Variants in RAPGEF5 observed in about 807,000 individuals in gnomAD.
The protein encoded by RAPGEF5 is M-Ras-regulated GEF.
RAPGEF5 carries 65 observed loss-of-function variants against 125.2 expected under a neutral mutation model. The ratio of observed to expected loss-of-function variants is 0.52; its 90% confidence interval spans 0.43 to 0.64. The LOEUF (loss-of-function observed/expected upper bound fraction) is 0.64. Among genes scored for constraint, RAPGEF5 ranks in the 30% least tolerant of loss-of-function variants. RAPGEF5 has a pLI of 0.00. For missense variants in RAPGEF5, 958 were observed against 1,048.1 expected (o/e 0.91, Z 1.19); for synonymous variants, 391 against 385.9 (o/e 1.01, Z -0.16).
intron 5 of RAPGEF5, among the ~76,000 whole-genome samples, chr7:22,301,134 T>C: frequency 6.6e-6 from 1 of 152,244 alleles, no homozygotes; most frequent in South Asian, 2.1e-4. Context: ...GTTTGTATTT[T>C]ATCTAGAGGT....
At chr7:22,269,237 A>C (rs1210858690) in intron 6 of RAPGEF5, among the ~76,000 whole-genome samples, 3 of 151,768 alleles carry the variant, frequency 2.0e-5, no homozygotes, top group Admixed American at 2.0e-4. Context: ...TACAAGACGC[A>C]AAGGGGAAAG....
At chr7:22,262,993 A>G (rs1466690753) in intron 7 of RAPGEF5, among the ~76,000 whole-genome samples, 1 of 152,220 alleles carries the variant, frequency 6.6e-6, no homozygotes, top group African/African-American at 2.4e-5. Flanking sequence ...AAAACAAGGA[A>G]AAAGCTATTG....
At chr7:22,191,378 G>A (rs1197280107) in intron 11 of RAPGEF5, 1 of 345,348 alleles carries the variant, frequency 2.9e-6, no homozygotes, top group African/African-American at 2.1e-5. Flanking sequence ...CTCCAAAGTT[G>A]ACTTTTCCAT....
chr7:22,305,708 C>T (rs556308036), intron 5 of RAPGEF5, among the ~76,000 whole-genome samples: 1 of 152,278 alleles, frequency 6.6e-6, no homozygotes, highest in Non-Finnish European at 1.5e-5. Context: ...CCACTAGTCC[C>T]CAATTACCCT....
In RAPGEF5 at chr7:22,298,188, T is replaced by G. The variant is rs898748138; in HGVS notation, c.681-6947A>C. Among the ~76,000 whole-genome samples the G allele has an allele frequency of 6.6e-5, 10 of 151,482 alleles. 1 individual carries two copies. Among genetic ancestry groups the G allele is most frequent in the South Asian group, 4.2e-4 (2 of 4,810 alleles). ...ATATTGTTCTGTTTTTTGTTTTTTT[T>G]TTTTTTGAGACGGAGTTTCACTCTT... is the stretch of plus-strand genomic sequence containing the variant. On this transcript the variant is annotated intron_variant, in intron 5 of 25. Transcript: ENST00000665637.
intron 24 of RAPGEF5, among the ~76,000 whole-genome samples, chr7:22,126,065 G>A (rs928216329): frequency 9.2e-5 from 14 of 152,106 alleles, no homozygotes; most frequent in African/African-American, 3.1e-4. Context: ...CAGGAGAATC[G>A]CTTGAACCTG....
chr7:22,196,482 G>C (rs1447610977), intron 9 of RAPGEF5, among the ~76,000 whole-genome samples: 1 of 152,180 alleles, frequency 6.6e-6, no homozygotes, highest in Non-Finnish European at 1.5e-5. Context: ...AAATAGTGAG[G>C]GCTTGCTCCC....
At chr7:22,345,888 C>A (rs1784215324) in intron 1 of RAPGEF5, among the ~76,000 whole-genome samples, 1 of 152,114 alleles carries the variant, frequency 6.6e-6, no homozygotes, top group Non-Finnish European at 1.5e-5. Context: ...ACCATTTAAT[C>A]TTCTAGAAAC....
chr7:22,251,782 A>G, intron 7 of RAPGEF5, among the ~76,000 whole-genome samples: 1 of 149,212 alleles, frequency 6.7e-6, no homozygotes, highest in Non-Finnish European at 1.5e-5. Context: ...TGACAAAAAA[A>G]AAAAAAAAAA....
intron 1 of RAPGEF5, among the ~76,000 whole-genome samples, chr7:22,340,463 A>G (rs1307193443): frequency 1.3e-5 from 2 of 152,222 alleles, no homozygotes; most frequent in Non-Finnish European, 1.5e-5. Context: ...TAAGCACAGA[A>G]AGTGGACCTG....
intron 8 of RAPGEF5, 119 bp from the exon 9 acceptor site, chr7:22,220,110 T>A: frequency 7.7e-7 from 1 of 1,302,680 alleles, no homozygotes; most frequent in Non-Finnish European, 1.1e-6. Flanking sequence ...TAAATCATGG[T>A]CTTGGTAAAA....
Position 22,162,506 on chromosome 7 carries a change from T to A in RAPGEF5, c.1319A>T (p.Asn440Ile), listed in dbSNP as rs200871852. 560 of 1,609,786 alleles carry A rather than the reference T, an allele frequency of 3.5e-4. No individual in the cohort carries two copies. The highest frequency in any genetic ancestry group is 4.6e-4 in the Non-Finnish European group (544 of 1,176,366). Residue 440 changes from asparagine (N) to isoleucine (I), a missense_variant, in exon 13 of 26, where the codon AAC becomes ATC. By Grantham distance (149) the Asn-to-Ile change is moderately radical (BLOSUM62 -3). Transcript: ENST00000665637. ...SAKKYQGKEE[N>I]SDVPRRKRKV... ...ACGTTTCCTACGCGGAACGTCTGAG[T>A]TTTCCTCTTTGCCTTGATACTTCTT...
At chr7:22,304,722 G>A (rs1271822453) in intron 5 of RAPGEF5, among the ~76,000 whole-genome samples, 1 of 152,194 alleles carries the variant, frequency 6.6e-6, no homozygotes, top group African/African-American at 2.4e-5. Context: ...AAGAACGCCA[G>A]TCCCAAACAG....
intron 3 of RAPGEF5, chr7:22,314,480 G>T: frequency 1.8e-6 from 1 of 541,058 alleles, no homozygotes; most frequent in Non-Finnish European, 2.4e-6. Context: ...TCCATCTCCA[G>T]CAAACAGAAA....
chr7:22,271,278 T>C (rs1782412658), intron 6 of RAPGEF5, among the ~76,000 whole-genome samples: 1 of 152,192 alleles, frequency 6.6e-6, no homozygotes, highest in Non-Finnish European at 1.5e-5. Context: ...TCCTAGGTGA[T>C]TCTATTGCAT....
intron 1 of RAPGEF5, among the ~76,000 whole-genome samples, chr7:22,335,710 AAACAACAAC>A (rs367838254): frequency 0.21 from 28,744 of 137,366 alleles, 2,835 homozygotes; most frequent in East Asian, 0.23. Context: ...AAAAACAACA[AAACAACAAC>A]AACAACAACA....
intron 11 of RAPGEF5, among the ~76,000 whole-genome samples, chr7:22,180,759 T>A (rs1214808295): frequency 6.6e-6 from 1 of 152,160 alleles, no homozygotes; most frequent in Non-Finnish European, 1.5e-5. Context: ...GAAAGGTACA[T>A]TCAAGGAGTG....
rs76290149 is a variant in RAPGEF5, at chr7:22,234,664, T to G, written c.797-3745A>C. Among the ~76,000 whole-genome samples, 466 of 152,306 alleles carry G rather than the reference T, an allele frequency of 3.1e-3. 1 individual carries two copies. The highest frequency in any genetic ancestry group is 5.2e-3 in the Non-Finnish European group (355 of 68,032). ...ATTCGTTAAGGGTACCTAGTTTAAATGTATCTATTTGTAAATTAGCCAAGA... is the reference window on the plus strand; with the variant it reads ...ATTCGTTAAGGGTACCTAGTTTAAAGGTATCTATTTGTAAATTAGCCAAGA... On this transcript the variant is annotated intron_variant, in intron 7 of 25. Coordinates refer to ENST00000665637, the MANE Select transcript of RAPGEF5 (RefSeq NM_012294.5).
chr7:22,135,585 T>C (rs1477337663), intron 23 of RAPGEF5, among the ~76,000 whole-genome samples: 1 of 152,246 alleles, frequency 6.6e-6, no homozygotes, highest in Non-Finnish European at 1.5e-5. Flanking sequence ...TTTCGAAAGC[T>C]ATATTACTTG....
Sources: gnomAD v4.1 joint callset for allele counts (sites outside exome capture counted in the v4.1 genomes callset) on GRCh38, gnomAD v4.1.1 for gene constraint, MANE v1.5 for transcripts, NCBI Gene and HGNC (gene_info 2026-07-23, HGNC 2026-07-21) for gene names.